The following FBXL20 variants were observed in gnomAD, a reference collection of about 807,000 sequenced individuals.
The protein encoded by FBXL20 is F-box/LRR-repeat protein 20.
A neutral mutation model predicts 64.0 loss-of-function variants in FBXL20; 11 were observed. The observed-to-expected ratio is 0.17, with a 90% CI of 0.11 to 0.28. FBXL20 has a LOEUF of 0.28. FBXL20 is among the 10% of genes least tolerant of loss of function. The probability of loss-of-function intolerance (pLI) is 1.00; values close to 1 mark genes in which losing one functional copy is unlikely to be tolerated. For synonymous variants in FBXL20, 184 were observed against 189.0 expected (o/e 0.97, Z 0.22); for missense variants, 303 against 526.2 (o/e 0.58, Z 4.15).
intron 1 of FBXL20, among the ~76,000 whole-genome samples, chr17:39,386,642 ATT>A (rs199721725): frequency 6.6e-6 from 1 of 151,544 alleles, no homozygotes; most frequent in Non-Finnish European, 1.5e-5. Flanking sequence ...ATAATAATAA[ATT>A]TTTTTTTGCT....
At chr17:39,382,424 CAG>C (rs952525208) in intron 1 of FBXL20, among the ~76,000 whole-genome samples, 4 of 118,038 alleles carry the variant, frequency 3.4e-5, no homozygotes, top group East Asian at 4.8e-4. Flanking sequence ...GCCACAGCAA[CAG>C]AGAGAGACTC....
In FBXL20 at chr17:39,286,306, C is replaced by T. The variant is rs942597523; in HGVS notation, c.399-733G>A. Among the ~76,000 whole-genome samples the T allele has an allele frequency of 7.2e-5, 11 of 152,126 alleles. No individual in the cohort carries two copies. In the East Asian group the frequency reaches 9.7e-4, roughly 13 times the overall value. The stretch of plus-strand genomic sequence containing the variant: ...CTAGGCCCACTGCAACCTCCATTTC[C>T]GGGTTCAAGCAATTCTCATGCCTCA... On this transcript the variant is annotated intron_variant, in intron 6 of 14. Coordinates refer to ENST00000264658, the MANE Select transcript of FBXL20 (RefSeq NM_032875.3).
chr17:39,305,979 C>A (rs1393176583), intron 2 of FBXL20, among the ~76,000 whole-genome samples: 1 of 151,218 alleles, frequency 6.6e-6, no homozygotes, highest in Non-Finnish European at 1.5e-5. Flanking sequence ...AAGAGTGAGA[C>A]TGTGTCTCAA....
At chr17:39,358,689 A>C (rs1044127579) in intron 1 of FBXL20, among the ~76,000 whole-genome samples, 8 of 152,144 alleles carry the variant, frequency 5.3e-5, no homozygotes, top group Admixed American at 3.9e-4. Flanking sequence ...CTCAAAAAAA[A>C]ACAAAAAAAC....
chr17:39,280,894 G>T (rs56387221), intron 9 of FBXL20, among the ~76,000 whole-genome samples: 15,627 of 152,032 alleles, frequency 0.1, 860 homozygotes, highest in African/African-American at 0.15. Flanking sequence ...CTCCCAAGAA[G>T]CTGGGACTAC....
intron 3 of FBXL20, among the ~76,000 whole-genome samples, chr17:39,303,353 A>C (rs1036350239): frequency 3.3e-5 from 5 of 152,192 alleles, no homozygotes; most frequent in African/African-American, 7.2e-5. Context: ...TTCATCGAAA[A>C]TGTTTCCTGT....
chr17:39,267,764 T>C (rs2046805000), intron 12 of FBXL20, among the ~76,000 whole-genome samples: 2 of 151,840 alleles, frequency 1.3e-5, no homozygotes, highest in Non-Finnish European at 2.9e-5. Flanking sequence ...TACAAAATGG[T>C]AGAGAAAGGG....
chr17:39,267,896 C>T (rs8073907), intron 12 of FBXL20, among the ~76,000 whole-genome samples: 119,543 of 152,092 alleles, frequency 0.79, 47,481 homozygotes, highest in South Asian at 0.92. Flanking sequence ...TAAGAACTAA[C>T]AGCTGTTAAG....
intron 1 of FBXL20, among the ~76,000 whole-genome samples, chr17:39,389,651 T>C (rs1258855578): frequency 6.6e-6 from 1 of 152,110 alleles, no homozygotes; most frequent in East Asian, 1.9e-4. Context: ...ACCCTGTCTC[T>C]ACTAAAAATA....
rs950428071 is a variant in FBXL20, at chr17:39,261,434, T to A, written c.*26A>T. Reference sequence around the variant, plus strand: ...TCTAGAAGTGTCATTAAATACTCAGTTCGCCAAGGTTGACCACCTCCATTG... The same window carrying A: ...TCTAGAAGTGTCATTAAATACTCAGATCGCCAAGGTTGACCACCTCCATTG... On this transcript the variant is annotated 3_prime_UTR_variant, in exon 15 of 15. Transcript: ENST00000264658. 11 of 1,571,410 alleles carry A rather than the reference T, an allele frequency of 7.0e-6. No individual in the cohort carries two copies. The highest frequency in any genetic ancestry group is 9.6e-6 in the Non-Finnish European group (11 of 1,141,438).
At chr17:39,349,290 A>T (rs148825632) in intron 1 of FBXL20, among the ~76,000 whole-genome samples, 9 of 134,740 alleles carry the variant, frequency 6.7e-5, no homozygotes, top group African/African-American at 2.5e-4. Context: ...GAGCCACCAT[A>T]CTCCAGCCTG....
chr17:39,338,890 GGTA>G (rs1422534929), intron 2 of FBXL20, among the ~76,000 whole-genome samples: 2 of 151,986 alleles, frequency 1.3e-5, no homozygotes, highest in Non-Finnish European at 2.9e-5. Flanking sequence ...ATCAACCCTG[GGTA>G]AAACAGCTCA....
At chr17:39,310,243 C>T (rs368734239) in intron 2 of FBXL20, among the ~76,000 whole-genome samples, 105 of 151,860 alleles carry the variant, frequency 6.9e-4, no homozygotes, top group African/African-American at 2.4e-3. Context: ...CAGCTGGAAC[C>T]AATGTGTCCA....
intron 2 of FBXL20, among the ~76,000 whole-genome samples, chr17:39,316,320 T>C (rs538003632): frequency 1.3e-5 from 2 of 152,136 alleles, no homozygotes; most frequent in East Asian, 1.9e-4. Flanking sequence ...CACACATTTT[T>C]TTCTTTCCCC....
At chr17:39,287,569 A>T (rs985104256) in intron 6 of FBXL20, among the ~76,000 whole-genome samples, 1 of 152,034 alleles carries the variant, frequency 6.6e-6, no homozygotes, top group African/African-American at 2.4e-5. Context: ...ATCACACCTA[A>T]TTAAAAAAAT....
At chr17:39,263,459 G>C (rs1406728078) in intron 14 of FBXL20, among the ~76,000 whole-genome samples, 1 of 152,156 alleles carries the variant, frequency 6.6e-6, no homozygotes, top group African/African-American at 2.4e-5. Flanking sequence ...AGGTTGCAGT[G>C]AGCCAACATC....
intron 1 of FBXL20, among the ~76,000 whole-genome samples, chr17:39,364,268 A>T (rs1352242238): frequency 6.6e-6 from 1 of 152,040 alleles, no homozygotes; most frequent in African/African-American, 2.4e-5. Flanking sequence ...GATGGGGTTT[A>T]TTTTCCCACC....
chr17:39,286,999 G>A (rs1420958834), intron 6 of FBXL20, among the ~76,000 whole-genome samples: 7 of 136,000 alleles, frequency 5.1e-5, no homozygotes, highest in African/African-American at 1.1e-4. Context: ...TGCAACCTCC[G>A]CCTCCTGGGT....
Position 39,287,659 on chromosome 17 carries a change from C to T in FBXL20, c.399-2086G>A, listed in dbSNP as rs1046240902. Among the ~76,000 whole-genome samples the T allele has an allele frequency of 2.8e-4, 42 of 152,250 alleles. 1 individual carries two copies. Among genetic ancestry groups the T allele is most frequent in the African/African-American group, 1.0e-3 (42 of 41,544 alleles). ...GCCTCAAGTGATCCTCTTGCCTTGGCCTTCCAGAGTGCTGGGATTACAAGC... is the reference window on the plus strand; with the variant it reads ...GCCTCAAGTGATCCTCTTGCCTTGGTCTTCCAGAGTGCTGGGATTACAAGC... On this transcript the variant is annotated intron_variant, in intron 6 of 14. Transcript: ENST00000264658.
Sources: gnomAD v4.1 joint callset for allele counts (sites outside exome capture counted in the v4.1 genomes callset) on GRCh38, gnomAD v4.1.1 for gene constraint, MANE v1.5 for transcripts, NCBI Gene and HGNC (gene_info 2026-07-23, HGNC 2026-07-21) for gene names.